The following PCDH11Y variants were observed in gnomAD, a reference collection of about 807,000 sequenced individuals.
PCDH11Y encodes protocadherin-11 Y-linked.
For missense variants in PCDH11Y, 12 were observed against 224.8 expected, an observed-to-expected ratio of 0.05 and a Z score of 6.05; for synonymous variants, 9 against 83.6, an observed-to-expected ratio of 0.11 and a Z score of 4.87.
At chrY:5,239,568 G>A (rs2052986065) in intron 2 of PCDH11Y, among the ~76,000 whole-genome samples, 1 of 32,223 alleles carries the variant, frequency 3.1e-5, no homozygotes, top group South Asian at 6.8e-4. Flanking sequence ...AAAACTTAAA[G>A]TATAATAAAA....
At chrY:5,603,791 CAGG>C (rs2053475133) in intron 4 of PCDH11Y, among the ~76,000 whole-genome samples, 1 of 24,438 alleles carries the variant, frequency 4.1e-5, no homozygotes, top group Admixed American at 4.7e-4. Flanking sequence ...CATGCGTGCC[CAGG>C]AGACCTTGTT....
rs201078391 is a variant in PCDH11Y, at chrY:5,472,038, G to A, written c.3130-29019G>A. Among the ~76,000 whole-genome samples, 11 of 31,278 alleles carry A rather than the reference G, an allele frequency of 3.5e-4. No homozygotes were observed. The East Asian group carries it at 7.6e-3, about 22-fold the overall frequency. 83.9% of individuals were successfully genotyped at this position (31,278 alleles called of 37,273 possible). ...TCAAATGATCAATTATAATATGTGG[G>A]GATTCTTTAAAACATTGCAGGGAAA... On this transcript the variant is annotated intron_variant, in intron 2 of 4. Transcript: ENST00000400457.
intron 2 of PCDH11Y, among the ~76,000 whole-genome samples, chrY:5,396,660 T>G: frequency 1.2e-4 from 4 of 34,179 alleles, no homozygotes; most frequent in Admixed American, 1.1e-3. Flanking sequence ...TTGATAGAAT[T>G]TGTTTTTATT....
intron 4 of PCDH11Y, among the ~76,000 whole-genome samples, chrY:5,679,449 T>G (rs2053556440): frequency 9.2e-4 from 30 of 32,725 alleles, no homozygotes; most frequent in Non-Finnish European, 1.9e-3. Context: ...CAGTTAGTCA[T>G]AAACTGCTGA....
intron 3 of PCDH11Y, among the ~76,000 whole-genome samples, chrY:5,549,398 G>A (rs2053416197): frequency 3.3e-5 from 1 of 30,156 alleles, no homozygotes; most frequent in African/African-American, 1.3e-4. Flanking sequence ...AATCAAAACC[G>A]CAATGAGATA....
intron 3 of PCDH11Y, among the ~76,000 whole-genome samples, chrY:5,571,436 A>T: frequency 3.1e-5 from 1 of 31,860 alleles, no homozygotes; most frequent in African/African-American, 1.2e-4. Context: ...CCTATTTCTT[A>T]TTCCAGTTTT....
At chrY:5,191,313 T>C in intron 2 of PCDH11Y, among the ~76,000 whole-genome samples, 1 of 32,064 alleles carries the variant, frequency 3.1e-5, no homozygotes, top group East Asian at 8.3e-4. Flanking sequence ...ATTTAAAAAA[T>C]AAATAAAATA....
chrY:5,104,281 G>A, downstream of PCDH11Y: 1 of 385,494 alleles, frequency 2.6e-6, no homozygotes, highest in South Asian at 3.3e-5. Context: ...AGCATGCTTG[G>A]CAAATGAAAC....
intron 2 of PCDH11Y, among the ~76,000 whole-genome samples, chrY:5,288,357 T>C (rs2053062833): frequency 3.0e-5 from 1 of 33,342 alleles, no homozygotes; most frequent in African/African-American, 1.2e-4. Flanking sequence ...TTGATTGTGA[T>C]ATAAGGTTGA....
At chrY:5,260,979 C>T in intron 2 of PCDH11Y, among the ~76,000 whole-genome samples, 1 of 31,898 alleles carries the variant, frequency 3.1e-5, no homozygotes, top group African/African-American at 1.2e-4. Context: ...GTCTTTCCTG[C>T]ACTGTTCTCA....
At chrY:5,304,857 T>C (rs2053087995) in intron 2 of PCDH11Y, among the ~76,000 whole-genome samples, 1 of 33,342 alleles carries the variant, frequency 3.0e-5, no homozygotes, top group African/African-American at 1.2e-4. Context: ...GACTTTTGGA[T>C]CTGTAACCTA....
intron 2 of PCDH11Y, among the ~76,000 whole-genome samples, chrY:5,242,482 C>G (rs2124655647): frequency 3.9e-5 from 1 of 25,813 alleles, no homozygotes; most frequent in Non-Finnish European, 8.7e-5. Flanking sequence ...ATAAAATGAG[C>G]TATGTCTGTA....
chrY:5,435,469 A>G, intron 2 of PCDH11Y, among the ~76,000 whole-genome samples: 3 of 30,722 alleles, frequency 9.8e-5, no homozygotes, highest in South Asian at 7.6e-4. Flanking sequence ...GCCCGCCACC[A>G]TGCCCAGCTA....
At chrY:5,078,019 T>C (rs2124631619) in intron 1 of PCDH11Y, among the ~76,000 whole-genome samples, 1 of 32,427 alleles carries the variant, frequency 3.1e-5, no homozygotes, top group South Asian at 7.3e-4. Context: ...AGTTAGCTGA[T>C]GCTGTCCTTC....
At chrY:5,514,960 C>A (rs207480426) in intron 3 of PCDH11Y, among the ~76,000 whole-genome samples, 24 of 33,400 alleles carry the variant, frequency 7.2e-4, no homozygotes, top group African/African-American at 2.8e-3. Context: ...AAGTTAGTAA[C>A]GAAACTTCTG....
chrY:5,524,216 A>G, intron 3 of PCDH11Y, among the ~76,000 whole-genome samples: 2 of 33,744 alleles, frequency 5.9e-5, no homozygotes, highest in African/African-American at 1.1e-4. Context: ...GTAAGAAAGA[A>G]GAACCTGCAA....
At chrY:5,407,845 C>T in intron 2 of PCDH11Y, among the ~76,000 whole-genome samples, 1 of 23,309 alleles carries the variant, frequency 4.3e-5, no homozygotes, top group Non-Finnish European at 9.1e-5. Flanking sequence ...AACCAGCGGG[C>T]GGAGCTTGCA....
At chrY:5,085,131 A>G (rs2124632713) in intron 1 of PCDH11Y, among the ~76,000 whole-genome samples, 1 of 32,007 alleles carries the variant, frequency 3.1e-5, no homozygotes, top group South Asian at 6.8e-4. Flanking sequence ...TTCTCTGGTG[A>G]TATGTTTTAG....
intron 2 of PCDH11Y, among the ~76,000 whole-genome samples, chrY:5,440,758 TAGAGAGAGAG>T (rs769163370): frequency 4.1e-3 from 59 of 14,537 alleles, no homozygotes; most frequent in Non-Finnish European, 6.2e-3. Flanking sequence ...TATATATATA[TAGAGAGAGAG>T]AGAGAGAGAG....
Sources: gnomAD v4.1 joint callset for allele counts (sites outside exome capture counted in the v4.1 genomes callset) on GRCh38, gnomAD v4.1.1 for gene constraint, MANE v1.5 for transcripts, NCBI Gene and HGNC (gene_info 2026-07-23, HGNC 2026-07-21) for gene names.